Variants in WDPCP observed in about 807,000 individuals in gnomAD.
WDPCP encodes WD repeat containing planar cell polarity effector, also known as WD repeat-containing and planar cell polarity effector protein fritz homolog.
A neutral mutation model predicts 93.1 loss-of-function variants in WDPCP; 71 were observed. The observed-to-expected ratio is 0.76, with a 90% CI of 0.63 to 0.93. The LOEUF is 0.93. WDPCP is among the 40% of genes least tolerant of loss of function. The pLI is 0.00. For synonymous variants in WDPCP, 315 were observed against 315.0 expected, an observed-to-expected ratio of 1.00 and a Z score of 0.00; for missense variants, 844 against 887.4, an observed-to-expected ratio of 0.95 and a Z score of 0.62.
At chr2:63,716,572 TCC>T (rs1260625420) in intron 2 of WDPCP, among the ~76,000 whole-genome samples, 4 of 152,232 alleles carry the variant, frequency 2.6e-5, no homozygotes, top group African/African-American at 9.6e-5. Context: ...GCATGAGTTG[TCC>T]ACCCATTTTG....
At chr2:63,482,417 T>A (rs540411113) in intron 6 of WDPCP, among the ~76,000 whole-genome samples, 120 of 152,086 alleles carry the variant, frequency 7.9e-4, no homozygotes, top group Non-Finnish European at 1.3e-3. Flanking sequence ...ACCACCATAC[T>A]GGATATGTGC....
chr2:63,317,099 C>A (rs568354162), intron 12 of WDPCP, among the ~76,000 whole-genome samples: 1 of 152,122 alleles, frequency 6.6e-6, no homozygotes, highest in South Asian at 2.1e-4. Context: ...AGAATCAATA[C>A]CGTTAAAATG....
intron 12 of WDPCP, among the ~76,000 whole-genome samples, chr2:63,360,353 A>C (rs1253143692): frequency 6.6e-6 from 1 of 152,222 alleles, no homozygotes. Context: ...ATATTTCGCT[A>C]TCTGACAAAA....
chr2:63,789,757 T>G (rs1670519614), intron 2 of WDPCP, among the ~76,000 whole-genome samples: 1 of 152,208 alleles, frequency 6.6e-6, no homozygotes, highest in Non-Finnish European at 1.5e-5. Context: ...AGTTTTCATG[T>G]GCTTGGAAAT....
intron 1 of WDPCP, among the ~76,000 whole-genome samples, chr2:63,547,493 A>G (rs751751342): frequency 2.0e-5 from 3 of 152,124 alleles, no homozygotes; most frequent in Non-Finnish European, 4.4e-5. Context: ...AAAATTTGCT[A>G]AAGTATGGAA....
Position 63,404,125 on chromosome 2 carries a change from C to A in WDPCP, c.1358G>T (p.Gly453Val). 1.2e-6 allele frequency: 2 copies of A among 1,614,106 alleles called. No individual in the cohort carries two copies. The highest frequency in any genetic ancestry group is 1.7e-6 in the Non-Finnish European group (2 of 1,179,994). Residue 453 changes from glycine (G) to valine (V), a missense_variant, in exon 10 of 18, where the codon GGT (glycine) becomes GTT (valine). Gly to Val is a moderately radical substitution (Grantham distance 109). Coordinates refer to ENST00000272321, the MANE Select transcript of WDPCP (RefSeq NM_015910.7). Reference sequence around the variant, plus strand: ...GAGATCATAGATATCACTACCTTCACCCTTCTGAGAAACAACCTGAGGAGC... The same window carrying A: ...GAGATCATAGATATCACTACCTTCAACCTTCTGAGAAACAACCTGAGGAGC... Reference protein sequence around the residue: ...WIAPQVVSQKGEGSDIYDLLF... With the variant: ...WIAPQVVSQKVEGSDIYDLLF...
chr2:63,626,998 A>G (rs980869753), intron 3 of WDPCP, among the ~76,000 whole-genome samples: 2 of 151,906 alleles, frequency 1.3e-5, no homozygotes, highest in African/African-American at 4.8e-5. Context: ...AGCCCAAGAG[A>G]ATAAAATATA....
chr2:63,566,910 C>T (rs2106445948), intron 1 of WDPCP, among the ~76,000 whole-genome samples: 1 of 152,320 alleles, frequency 6.6e-6, no homozygotes, highest in East Asian at 1.9e-4. Flanking sequence ...AGGAACCTTA[C>T]TTACTGTTAC....
chr2:63,211,377 C>T (rs1277144262), intron 14 of WDPCP, among the ~76,000 whole-genome samples: 1 of 152,164 alleles, frequency 6.6e-6, no homozygotes, highest in Non-Finnish European at 1.5e-5. Flanking sequence ...CAGCAAACTC[C>T]GACAGACCTG....
chr2:63,421,373 C>A (rs557880733), intron 9 of WDPCP, among the ~76,000 whole-genome samples: 10 of 151,764 alleles, frequency 6.6e-5, no homozygotes, highest in Admixed American at 1.3e-4. Flanking sequence ...ACAGTCAACA[C>A]AATATATTAA....
chr2:63,541,027 T>G (rs1160762650), intron 1 of WDPCP, among the ~76,000 whole-genome samples: 1 of 152,134 alleles, frequency 6.6e-6, no homozygotes, highest in Admixed American at 6.6e-5. Context: ...CAGGCTGGAG[T>G]GCAGTAGCAT....
chr2:63,368,296 TA>T (rs1691083567), intron 12 of WDPCP, among the ~76,000 whole-genome samples: 3 of 69,082 alleles, frequency 4.3e-5, no homozygotes, highest in African/African-American at 2.1e-4. Context: ...AGTTTATTTT[TA>T]ATTTATTTAT....
intron 2 of WDPCP, among the ~76,000 whole-genome samples, chr2:63,742,079 C>T (rs1007957113): frequency 6.6e-6 from 1 of 152,074 alleles, no homozygotes; most frequent in African/African-American, 2.4e-5. Context: ...AGTCTGATGT[C>T]TATCTCTTGG....
intron 17 of WDPCP, among the ~76,000 whole-genome samples, chr2:63,134,928 G>T (rs1025745833): frequency 3.3e-5 from 5 of 152,156 alleles, no homozygotes; most frequent in Admixed American, 6.5e-5. Flanking sequence ...GTTGAGACTA[G>T]CCTGGGCAAC....
At chr2:63,452,811 T>G (rs1317178433) in intron 6 of WDPCP, among the ~76,000 whole-genome samples, 1 of 152,182 alleles carries the variant, frequency 6.6e-6, no homozygotes, top group Non-Finnish European at 1.5e-5. Flanking sequence ...TATCTGATCT[T>G]TGACAAACCT....
intron 3 of WDPCP, among the ~76,000 whole-genome samples, chr2:63,635,739 A>G (rs977237382): frequency 6.6e-6 from 1 of 152,230 alleles, no homozygotes; most frequent in Non-Finnish European, 1.5e-5. Context: ...ACAAGCTCCC[A>G]GCTAATATCA....
At position 63,650,054 on chromosome 2, in the gene WDPCP, A is replaced by G. The variant is rs1333755390; in HGVS notation, n.488+605T>C. On this transcript the variant is annotated intron_variant and non_coding_transcript_variant, in intron 3 of 4. Transcript: ENST00000467687. ...TGAGACAGTGGTGTGTACAGCCAAG[A>G]ATCCAGCAGAGGCTGTGCCTTCTTC... is the stretch of plus-strand genomic sequence containing the variant. Among the ~76,000 whole-genome samples, 3 of 152,198 alleles carry G rather than the reference A, an allele frequency of 2.0e-5. No homozygotes were observed. In the East Asian group the frequency reaches 5.8e-4, roughly 29 times the overall value.
intron 2 of WDPCP, among the ~76,000 whole-genome samples, chr2:63,727,646 T>C (rs966067950): frequency 6.6e-6 from 1 of 152,242 alleles, no homozygotes; most frequent in Non-Finnish European, 1.5e-5. Context: ...TATTTATATG[T>C]CTGGTAGAAT....
intron 10 of WDPCP, 96 bp downstream of exon 10, chr2:63,403,952 T>C (rs1455548594): frequency 7.8e-6 from 12 of 1,541,384 alleles, no homozygotes; most frequent in Non-Finnish European, 1.1e-5. Flanking sequence ...GGATGATAAA[T>C]AGAAAAATCT....
Sources: allele counts gnomAD v4.1 joint callset (sites outside exome capture counted in the v4.1 genomes callset), GRCh38; gene constraint gnomAD v4.1.1; transcripts MANE v1.5; gene names NCBI Gene and HGNC (gene_info 2026-07-23, HGNC 2026-07-21).